GAS7: variants seen among roughly 807,000 people sequenced by gnomAD.
The protein encoded by GAS7 is growth arrest specific 7.
Under a neutral mutation model 71.1 loss-of-function variants are expected in GAS7, and 28 were observed. That is an observed-to-expected ratio of 0.39 (90% CI 0.29 to 0.54). GAS7 has a LOEUF of 0.54. GAS7 is among the 20% of genes least tolerant of loss of function. GAS7 has a pLI of 0.62. For missense variants in GAS7, 436 were observed against 627.8 expected, an observed-to-expected ratio of 0.69 and a Z score of 3.27; for synonymous variants, 258 against 245.8, an observed-to-expected ratio of 1.05 and a Z score of -0.46.
At chr17:10,151,820 A>G (rs1383361519) in intron 1 of GAS7, among the ~76,000 whole-genome samples, 1 of 152,220 alleles carries the variant, frequency 6.6e-6, no homozygotes, top group Non-Finnish European at 1.5e-5. Context: ...TGCTAGGATT[A>G]CAAGCACGAG....
intron 1 of GAS7, among the ~76,000 whole-genome samples, chr17:10,066,204 G>GC (rs2073278927): frequency 6.6e-6 from 1 of 152,160 alleles, no homozygotes; most frequent in African/African-American, 2.4e-5. Context: ...AGGAGCCAAG[G>GC]CCAGGCTAAT....
At chr17:10,047,734 G>T (rs2073000208) in intron 1 of GAS7, among the ~76,000 whole-genome samples, 1 of 152,126 alleles carries the variant, frequency 6.6e-6, no homozygotes, top group African/African-American at 2.4e-5. Context: ...ACGAGGTGAG[G>T]ATTATATAAA....
intron 2 of GAS7, among the ~76,000 whole-genome samples, chr17:9,987,011 G>C (rs2070675137): frequency 6.6e-6 from 1 of 152,196 alleles, no homozygotes; most frequent in Non-Finnish European, 1.5e-5. Flanking sequence ...GCCGTGTCCA[G>C]GTCTTTTCCA....
chr17:10,074,748 A>G (rs1016857170), intron 1 of GAS7, among the ~76,000 whole-genome samples: 2 of 152,206 alleles, frequency 1.3e-5, no homozygotes, highest in African/African-American at 4.8e-5. Context: ...TCTCTTCCAT[A>G]AATAGAAAAC....
Position 9,974,347 on chromosome 17 carries a change from C to T in GAS7, c.386-4585G>A, listed in dbSNP as rs2070097263. Among the ~76,000 whole-genome samples the T allele has an allele frequency of 6.6e-6, 1 of 152,122 alleles. No individual in the cohort carries two copies. Among genetic ancestry groups the T allele is most frequent in the African/African-American group, 2.4e-5 (1 of 41,406 alleles). The stretch of plus-strand genomic sequence containing the variant: ...CTGGCAACCCTCACCCACGGCATTC[C>T]TCATTGCTATTCCCTGTCCTGGGGG... On this transcript the variant is annotated intron_variant, in intron 3 of 13. Transcript: ENST00000432992. The surrounding 1 kb of genome is among the most constrained non-coding windows in gnomAD (Gnocchi z 4.0).
At chr17:10,060,868 C>T (rs959548293) in intron 1 of GAS7, among the ~76,000 whole-genome samples, 2 of 152,086 alleles carry the variant, frequency 1.3e-5, no homozygotes, top group Admixed American at 6.5e-5. Context: ...GCGACTTTGT[C>T]CCCCCTGAGG....
intron 2 of GAS7, among the ~76,000 whole-genome samples, 179 bp from the exon 3 acceptor site, chr17:9,982,063 C>T (rs893588306): frequency 6.6e-6 from 1 of 152,182 alleles, no homozygotes; most frequent in Non-Finnish European, 1.5e-5. Context: ...CATCTCCCTT[C>T]CTGGCCCCTG....
chr17:10,198,324 A>G lies in GAS7; in HGVS notation c.67T>C (p.Phe23Leu). The G allele has an allele frequency of 6.2e-7, 1 of 1,601,452 alleles. No homozygotes were observed. The highest frequency in any genetic ancestry group is 8.5e-7 in the Non-Finnish European group (1 of 1,179,236). ...SGERHGQGLR[F>L]AAGELITLLQ... is the part of the protein sequence containing the mutation. Reference sequence around the variant, plus strand: ...AGCGTGATCAGCTCGCCCGCGGCGAAGCGCAGCCCCTGGCCGTGCCGCTCC... The same window carrying G: ...AGCGTGATCAGCTCGCCCGCGGCGAGGCGCAGCCCCTGGCCGTGCCGCTCC... The change falls in exon 1 of 14, where the codon TTC (phenylalanine) becomes CTC (leucine). Residue 23 changes from phenylalanine to leucine, a missense_variant. Phe to Leu is a conservative substitution (Grantham distance 22). Transcript: ENST00000432992.
At chr17:10,148,562 G>A (rs2074138854) in intron 1 of GAS7, among the ~76,000 whole-genome samples, 1 of 149,394 alleles carries the variant, frequency 6.7e-6, no homozygotes, top group African/African-American at 2.5e-5. Context: ...AGGTTGCAGT[G>A]AGCCAAGATT....
chr17:10,033,846 T>C (rs1332774518), intron 1 of GAS7, among the ~76,000 whole-genome samples: 1 of 152,224 alleles, frequency 6.6e-6, no homozygotes, highest in Non-Finnish European at 1.5e-5. Flanking sequence ...CTCATTCCAC[T>C]GACTGCAGTG....
chr17:9,943,592 G>A (rs1034100556), intron 6 of GAS7, among the ~76,000 whole-genome samples: 3 of 152,188 alleles, frequency 2.0e-5, no homozygotes, highest in Middle Eastern at 3.2e-3. Context: ...GGCCCTCGGC[G>A]AATCTTGGCA....
chr17:10,190,398 C>T (rs2074489130), intron 1 of GAS7, among the ~76,000 whole-genome samples: 1 of 151,816 alleles, frequency 6.6e-6, no homozygotes, highest in African/African-American at 2.4e-5. Context: ...GCCTGACCAG[C>T]GTGGTGAAAC....
At chr17:10,134,297 C>T (rs1391128143) in intron 1 of GAS7, among the ~76,000 whole-genome samples, 3 of 152,174 alleles carry the variant, frequency 2.0e-5, no homozygotes, top group African/African-American at 7.2e-5. Context: ...TCCCAAAGTG[C>T]TGGGATTACA....
intron 1 of GAS7, among the ~76,000 whole-genome samples, chr17:10,166,697 A>T (rs1451288407): frequency 6.6e-6 from 1 of 152,234 alleles, no homozygotes; most frequent in Non-Finnish European, 1.5e-5. Flanking sequence ...ACTATGAACT[A>T]ATTTTTTAAG....
At chr17:10,140,647 T>C (rs1195856185) in intron 1 of GAS7, among the ~76,000 whole-genome samples, 3 of 152,188 alleles carry the variant, frequency 2.0e-5, no homozygotes, top group Non-Finnish European at 4.4e-5. Context: ...CGTTTCTGTC[T>C]GTTTCTCCTA....
At chr17:10,113,435 C>T (rs945961832) in intron 1 of GAS7, among the ~76,000 whole-genome samples, 5 of 152,178 alleles carry the variant, frequency 3.3e-5, no homozygotes, top group Non-Finnish European at 5.9e-5. Context: ...TTAGAAGCAA[C>T]CTTTATGCCC....
chr17:10,114,090 T>C (rs1162654116), intron 1 of GAS7, among the ~76,000 whole-genome samples: 4 of 152,054 alleles, frequency 2.6e-5, no homozygotes, highest in Non-Finnish European at 4.4e-5. Context: ...AATCTTTTTT[T>C]TTCTTTCATT....
chr17:9,956,521 A>G (rs997355774), intron 5 of GAS7, among the ~76,000 whole-genome samples: 3 of 152,094 alleles, frequency 2.0e-5, no homozygotes, highest in African/African-American at 7.2e-5. Flanking sequence ...GCTCCTGCCA[A>G]GGGCTGTGAG....
intron 1 of GAS7, among the ~76,000 whole-genome samples, chr17:10,054,956 C>T (rs1287009140): frequency 6.6e-6 from 1 of 152,132 alleles, no homozygotes; most frequent in South Asian, 2.1e-4. Context: ...AGAGGAGCAG[C>T]CCATCAGCTG....
Sources: allele counts gnomAD v4.1 joint callset (sites outside exome capture counted in the v4.1 genomes callset), GRCh38; gene constraint gnomAD v4.1.1; non-coding constraint Gnocchi (gnomAD v3.1); transcripts MANE v1.5; gene names NCBI Gene and HGNC (gene_info 2026-07-23, HGNC 2026-07-21).